Variants in CCDC7 observed in about 807,000 individuals in gnomAD.
CCDC7 encodes the protein coiled-coil domain containing 7.
In CCDC7, 183 loss-of-function variants were observed where a neutral mutation model predicts 196.9. That is an observed-to-expected ratio of 0.93 (90% CI 0.82 to 1.05). The LOEUF is 1.05. CCDC7 is among the 50% of genes least tolerant of loss of function. CCDC7 has a pLI of 0.00. For missense variants in CCDC7, 1,540 were observed against 1,482.2 expected (o/e 1.04, Z -0.64); for synonymous variants, 525 against 484.6 (o/e 1.08, Z -1.10).
chr10:32,640,609 G>A (rs1212809954), intron 20 of CCDC7, among the ~76,000 whole-genome samples: 1 of 152,086 alleles, frequency 6.6e-6, no homozygotes. Flanking sequence ...AGCCTCTATG[G>A]TCTTTACAAT....
At chr10:32,461,867 G>T (rs1285038560) in intron 3 of CCDC7, among the ~76,000 whole-genome samples, 1 of 151,004 alleles carries the variant, frequency 6.6e-6, no homozygotes. Flanking sequence ...CGCCTCCCGG[G>T]TTCAAGTGAT....
chr10:32,824,255 T>C (rs10827138), intron 31 of CCDC7, among the ~76,000 whole-genome samples: 58,204 of 152,026 alleles, frequency 0.38, 13,824 homozygotes, highest in Non-Finnish European at 0.54. Flanking sequence ...AGCATAAGTC[T>C]GTGCCTCAGT....
At chr10:32,779,401 G>A (rs1427146957) in intron 29 of CCDC7, among the ~76,000 whole-genome samples, 2 of 152,142 alleles carry the variant, frequency 1.3e-5, no homozygotes, top group South Asian at 2.1e-4. Flanking sequence ...GTTCCTTGAG[G>A]ACATAGTTGT....
chr10:32,528,581 T>C (rs1437926982), intron 11 of CCDC7, among the ~76,000 whole-genome samples: 1 of 151,578 alleles, frequency 6.6e-6, no homozygotes, highest in African/African-American at 2.4e-5. Context: ...AATGACATTA[T>C]TTCATTCCTT....
intron 18 of CCDC7, among the ~76,000 whole-genome samples, chr10:32,601,701 T>C (rs2061029000): frequency 6.6e-6 from 1 of 151,288 alleles, no homozygotes; most frequent in Non-Finnish European, 1.5e-5. Context: ...GCACTCTGTG[T>C]CTAGCTAAAG....
chr10:32,719,459 G>A (rs2082083324), intron 25 of CCDC7, among the ~76,000 whole-genome samples: 1 of 152,104 alleles, frequency 6.6e-6, no homozygotes, highest in African/African-American at 2.4e-5. Flanking sequence ...CAGGACATAG[G>A]CAAGGGCAAA....
intron 18 of CCDC7, among the ~76,000 whole-genome samples, chr10:32,594,015 T>A (rs577944845): frequency 1.8e-4 from 28 of 152,336 alleles, no homozygotes; most frequent in African/African-American, 6.5e-4. Context: ...TGGCTTAGGA[T>A]TGTCTTGGCA....
At chr10:32,880,287 T>A (rs1333772457), downstream of CCDC7, among the ~76,000 whole-genome samples, 2 of 152,220 alleles carry the variant, frequency 1.3e-5, no homozygotes, top group Non-Finnish European at 2.9e-5. Context: ...TTGATTTGCA[T>A]TTCTCTAATG....
intron 7 of CCDC7, 61 bp from the exon 9 acceptor site, chr10:32,473,906 C>T: frequency 7.0e-7 from 1 of 1,419,860 alleles, no homozygotes; most frequent in East Asian, 2.5e-5. Context: ...AAAATTTAAA[C>T]TCAATTAGTA....
At chr10:32,602,220 A>G (rs2061117587) in intron 18 of CCDC7, among the ~76,000 whole-genome samples, 1 of 152,030 alleles carries the variant, frequency 6.6e-6, no homozygotes. Context: ...ACTCACTGCG[A>G]AGGTCTGCGG....
chr10:32,709,081 T>A (rs1284704867), intron 24 of CCDC7, among the ~76,000 whole-genome samples: 6 of 152,084 alleles, frequency 3.9e-5, no homozygotes, highest in South Asian at 2.1e-4. Flanking sequence ...CAAATGTCCC[T>A]CAGTGATAGA....
At chr10:32,651,828 T>G (rs1331639291) in intron 20 of CCDC7, among the ~76,000 whole-genome samples, 2 of 152,200 alleles carry the variant, frequency 1.3e-5, no homozygotes, top group African/African-American at 2.4e-5. Flanking sequence ...AGAGATGTTA[T>G]CTGTGGTTTA....
intron 40 of CCDC7, among the ~76,000 whole-genome samples, chr10:32,852,178 T>C (rs554056231): frequency 1.8e-4 from 27 of 152,336 alleles, no homozygotes; most frequent in African/African-American, 5.5e-4. Flanking sequence ...CACCTTCTTG[T>C]CTTGTTGACT....
Position 32,538,804 on chromosome 10 carries a change from G to A in CCDC7, c.994-4496G>A, listed in dbSNP as rs1206461036. The stretch of plus-strand genomic sequence containing the variant: ...TCAGATTTATTGATTTGCCTATGTT[G>A]AATCAACTTTGCATCCCAGGGATAG... On this transcript the variant is annotated intron_variant, in intron 11 of 41. Coordinates refer to ENST00000639629, the Ensembl canonical transcript of CCDC7. Among the ~76,000 whole-genome samples, 2 of 152,126 alleles carry A rather than the reference G, an allele frequency of 1.3e-5. 1 individual carries two copies. Among genetic ancestry groups the A allele is most frequent in the African/African-American group, 4.8e-5 (2 of 41,422 alleles).
chr10:32,741,222 C>A (rs1225034003), intron 28 of CCDC7, among the ~76,000 whole-genome samples: 4 of 152,144 alleles, frequency 2.6e-5, no homozygotes, highest in Admixed American at 6.5e-5. Flanking sequence ...AATGGCTTTA[C>A]TTACTGAAAC....
chr10:32,788,269 G>A (rs1056942274), intron 29 of CCDC7, among the ~76,000 whole-genome samples: 1 of 152,050 alleles, frequency 6.6e-6, no homozygotes, highest in African/African-American at 2.4e-5. Context: ...CCATTGTCAG[G>A]TCAGCCCTAG....
At chr10:32,708,815 A>G (rs559143067) in intron 24 of CCDC7, among the ~76,000 whole-genome samples, 6 of 152,282 alleles carry the variant, frequency 3.9e-5, no homozygotes, top group East Asian at 1.9e-4. Context: ...AAAAAGTCAG[A>G]AAACAACAGG....
intron 22 of CCDC7, among the ~76,000 whole-genome samples, chr10:32,687,034 A>G (rs568866822): frequency 6.6e-6 from 1 of 152,218 alleles, no homozygotes; most frequent in Non-Finnish European, 1.5e-5. Flanking sequence ...GGCATTTGCT[A>G]TGTCAATTGC....
chr10:32,651,120 C>T (rs1227292856), intron 20 of CCDC7, among the ~76,000 whole-genome samples: 1 of 152,094 alleles, frequency 6.6e-6, no homozygotes, highest in Non-Finnish European at 1.5e-5. Context: ...GCAGCTCTGT[C>T]TCCATCTAAT....
Sources: allele counts gnomAD v4.1 joint callset (sites outside exome capture counted in the v4.1 genomes callset), GRCh38; gene constraint gnomAD v4.1.1; transcripts MANE v1.5; gene names NCBI Gene and HGNC (gene_info 2026-07-23, HGNC 2026-07-21).